BLTP2: variants seen among roughly 807,000 people sequenced by gnomAD.
BLTP2 encodes the protein bridge-like lipid transfer protein family member 2.
chr17:28,615,736 G>C, the BLTP2 span: 2 of 1,614,172 alleles, frequency 1.2e-6, no homozygotes, highest in Non-Finnish European at 1.7e-6. Flanking sequence ...ATGTGTTGTT[G>C]TGGTACTCCA....
the BLTP2 span, among the ~76,000 whole-genome samples, chr17:28,626,686 T>C: frequency 6.6e-6 from 1 of 152,226 alleles, no homozygotes; most frequent in Non-Finnish European, 1.5e-5. Context: ...AGGACAGGGT[T>C]TGGAGAGCTT....
the BLTP2 span, chr17:28,643,579 TA>T: frequency 3.1e-6 from 5 of 1,601,198 alleles, no homozygotes; most frequent in Non-Finnish European, 4.3e-6. Flanking sequence ...AGTACTCTTC[TA>T]GGGGAGAAGT....
the BLTP2 span, chr17:28,637,773 G>A: frequency 1.3e-6 from 2 of 1,535,072 alleles, no homozygotes; most frequent in Admixed American, 3.5e-5. Context: ...CTGGGTTGAA[G>A]TGATTCTCCT....
the BLTP2 span, chr17:28,638,236 C>T: frequency 6.2e-7 from 1 of 1,608,322 alleles, no homozygotes; most frequent in African/African-American, 1.3e-5. Context: ...CCCTATTCAC[C>T]AAAGCCCTCA....
At chr17:28,634,522 A>G in the BLTP2 span, 2 of 1,611,390 alleles carry the variant, frequency 1.2e-6, no homozygotes, top group Admixed American at 3.4e-5. Context: ...CTTACCCAGA[A>G]AGCTCTTGAC....
At chr17:28,645,105 C>G in the BLTP2 span, 36 of 1,529,500 alleles carry the variant, frequency 2.4e-5, no homozygotes, top group Non-Finnish European at 2.9e-5. Flanking sequence ...CCATGCCGGG[C>G]CCCGACGCCG....
chr17:28,642,728 G>C, the BLTP2 span: 1 of 647,872 alleles, frequency 1.5e-6, no homozygotes, highest in African/African-American at 1.8e-5. Flanking sequence ...GTGGCTAGAA[G>C]GGACAAGGCA....
the BLTP2 span, chr17:28,628,618 G>A: frequency 4.8e-6 from 7 of 1,448,322 alleles, no homozygotes; most frequent in Middle Eastern, 1.1e-3. Flanking sequence ...TGCCACAGAG[G>A]CAGTGATAAA....
chr17:28,624,047 G>A, the BLTP2 span: 1 of 1,402,176 alleles, frequency 7.1e-7, no homozygotes, highest in South Asian at 1.3e-5. Flanking sequence ...CTGCAGCTAG[G>A]TCTAATGCTG....
chr17:28,626,437 C>G, the BLTP2 span, among the ~76,000 whole-genome samples: 1,565 of 152,282 alleles, frequency 0.01, 24 homozygotes, highest in African/African-American at 0.035. Context: ...ATCATTAGTG[C>G]CTCCTAAGTG....
chr17:28,633,238 C>A, the BLTP2 span: 2 of 1,598,712 alleles, frequency 1.3e-6, no homozygotes, highest in Non-Finnish European at 1.7e-6. Context: ...TCCCTCCAAC[C>A]TGAGCCCCTC....
chr17:28,625,381 A>G, the BLTP2 span, among the ~76,000 whole-genome samples: 2 of 151,154 alleles, frequency 1.3e-5, no homozygotes, highest in Non-Finnish European at 1.5e-5. Context: ...GAAAAAGAAA[A>G]AAGAAAAAAT....
chr17:28,634,561 A>G, the BLTP2 span: 1 of 1,614,128 alleles, frequency 6.2e-7, no homozygotes, highest in Non-Finnish European at 8.5e-7. Context: ...ACACCACTGA[A>G]TGACAAGATC....
chr17:28,641,180 T>C, the BLTP2 span, among the ~76,000 whole-genome samples: 1 of 152,182 alleles, frequency 6.6e-6, no homozygotes, highest in African/African-American at 2.4e-5. Context: ...CAGCCCTCCA[T>C]ATTGGTGAGT....
the BLTP2 span, chr17:28,618,634 T>C: frequency 3.5e-5 from 20 of 578,258 alleles, no homozygotes; most frequent in Non-Finnish European, 5.7e-5. Context: ...GCTCTGCTCA[T>C]TAATATGATT....
chr17:28,621,360 G>A, the BLTP2 span: 1 of 1,537,106 alleles, frequency 6.5e-7, no homozygotes, highest in Non-Finnish European at 9.0e-7. Context: ...ATGCACATCT[G>A]CTCCTAATCA....
chr17:28,643,249 T>C, the BLTP2 span: 1 of 1,614,134 alleles, frequency 6.2e-7, no homozygotes, highest in Non-Finnish European at 8.5e-7. Flanking sequence ...GGCAGACAGG[T>C]CAGAAACTTT....
chr17:28,635,466 C>T, the BLTP2 span: 2 of 1,614,154 alleles, frequency 1.2e-6, no homozygotes, highest in South Asian at 1.1e-5. Context: ...TTCCTGAAGT[C>T]TCTAGTGCAA....
chr17:28,635,614 AG>A, the BLTP2 span: 36 of 1,600,554 alleles, frequency 2.2e-5, no homozygotes, highest in Non-Finnish European at 3.1e-5. Flanking sequence ...CTGAACCTTT[AG>A]GGAGCAGAAG....
Sources: gnomAD v4.1 joint callset for allele counts (sites outside exome capture counted in the v4.1 genomes callset) on GRCh38, gnomAD v4.1.1 for gene constraint, MANE v1.5 for transcripts, NCBI Gene and HGNC (gene_info 2026-07-23, HGNC 2026-07-21) for gene names.